ZHX2: variants seen among roughly 807,000 people sequenced by gnomAD.
The protein encoded by ZHX2 is zinc fingers and homeoboxes protein 2.
In ZHX2, 6 loss-of-function variants were observed where a neutral mutation model predicts 21.9. The ratio of observed to expected loss-of-function variants is 0.27; its 90% confidence interval spans 0.15 to 0.54. ZHX2 has a LOEUF of 0.54. Among genes scored for constraint, ZHX2 ranks in the 20% least tolerant of loss-of-function variants. The probability of loss-of-function intolerance (pLI) is 0.95; values close to 1 mark genes in which losing one functional copy is unlikely to be tolerated. For missense variants in ZHX2, 908 were observed against 1,090.7 expected (o/e 0.83, Z 2.36); for synonymous variants, 434 against 437.1 (o/e 0.99, Z 0.09).
At chr8:122,949,451 A>G (rs1301734738) in intron 2 of ZHX2, among the ~76,000 whole-genome samples, 2 of 152,248 alleles carry the variant, frequency 1.3e-5, no homozygotes, top group Non-Finnish European at 2.9e-5. Flanking sequence ...CTAAATAAAA[A>G]TGACATAAGC....
chr8:122,934,171 A>G (rs573785326), intron 2 of ZHX2, among the ~76,000 whole-genome samples: 2 of 152,316 alleles, frequency 1.3e-5, no homozygotes, highest in Admixed American at 6.5e-5. Context: ...AGATAAATTT[A>G]TTTATTATAA....
At chr8:122,788,019 G>C (rs927142931) in intron 1 of ZHX2, among the ~76,000 whole-genome samples, 2 of 152,214 alleles carry the variant, frequency 1.3e-5, no homozygotes, top group African/African-American at 4.8e-5. Flanking sequence ...CCACAGCCTG[G>C]TTCACTCTGG....
Position 122,951,226 on chromosome 8 carries a change from TAAAG to T in ZHX2, c.-219-63_-219-60del, listed in dbSNP as rs575478890. 406 of 370,172 alleles carry T rather than the reference TAAAG, an allele frequency of 1.1e-3. 1 individual carries two copies. The highest frequency in any genetic ancestry group is 7.5e-3 in the African/African-American group (365 of 48,848). 22.9% of individuals were successfully genotyped at this position (370,172 alleles called of 1,614,324 possible). ...TTGGGCTGGGTCATGGGAAAACTCA[TAAAG>T]AAGTGCCAGTTTCTTTTGCGTTGTG... On this transcript the variant is annotated intron_variant, in intron 2 of 3. Coordinates refer to ENST00000314393, the MANE Select transcript of ZHX2 (RefSeq NM_014943.5).
rs1326366240 is a variant in ZHX2, at chr8:122,856,579, G to A, written c.-282-6898G>A. 3.9e-5 allele frequency among the ~76,000 whole-genome samples: 6 copies of A among 152,218 alleles called. No homozygotes were observed. The South Asian group carries it at 1.0e-3, about 26-fold the overall frequency. On this transcript the variant is annotated intron_variant, in intron 1 of 3. Coordinates refer to ENST00000314393, the MANE Select transcript of ZHX2 (RefSeq NM_014943.5). ...TTAAGGGAGCTGTGTATTTCTCTCAGAAACAGGAGCCGTAATCAAAGGTGT... is the reference window on the plus strand; with the variant it reads ...TTAAGGGAGCTGTGTATTTCTCTCAAAAACAGGAGCCGTAATCAAAGGTGT...
At chr8:122,786,558 C>T (rs1293397613) in intron 1 of ZHX2, among the ~76,000 whole-genome samples, 3 of 152,224 alleles carry the variant, frequency 2.0e-5, no homozygotes, top group Non-Finnish European at 2.9e-5. Flanking sequence ...ACACACCTCA[C>T]ATGTGAACTG....
intron 1 of ZHX2, among the ~76,000 whole-genome samples, chr8:122,805,125 A>C (rs1298130543): frequency 6.9e-6 from 1 of 145,886 alleles, no homozygotes; most frequent in East Asian, 2.3e-4. Flanking sequence ...AAGTGCAAAT[A>C]GTTTATGTGA....
At position 122,952,815 on chromosome 8, in the gene ZHX2, C is replaced by T. The variant is rs370328879; in HGVS notation, c.1305C>T (p.Asn435=). 1.2e-5 allele frequency: 19 copies of T among 1,613,930 alleles called. No homozygotes were observed. Among genetic ancestry groups the T allele is most frequent in the Non-Finnish European group, 1.4e-5 (17 of 1,180,008 alleles). Residue 435 remains asparagine, a synonymous_variant, in exon 3 of 4, where the codon AAC becomes AAT. Transcript: ENST00000314393. The surrounding 1 kb of genome is among the most constrained non-coding windows in gnomAD (Gnocchi z 6.9). The part of the protein sequence containing the change: ...QVPEPPPKVA[N]PPLTPASDRK... ...CAGAGCCCCCACCCAAGGTGGCCAACCCCCCGCTCACACCAGCCAGTGACC... is the reference window on the plus strand; with the variant it reads ...CAGAGCCCCCACCCAAGGTGGCCAATCCCCCGCTCACACCAGCCAGTGACC...
intron 1 of ZHX2, among the ~76,000 whole-genome samples, chr8:122,854,530 T>C (rs1818983359): frequency 6.6e-6 from 1 of 152,106 alleles, no homozygotes; most frequent in Non-Finnish European, 1.5e-5. Context: ...TCCCCAGCCT[T>C]CCAGTCCCTC....
chr8:122,812,811 A>G (rs1186940968), intron 1 of ZHX2, among the ~76,000 whole-genome samples: 7 of 152,180 alleles, frequency 4.6e-5, no homozygotes. Flanking sequence ...CATAGTAAAT[A>G]CTGATACCAA....
At chr8:122,862,363 C>G (rs1371723579) in intron 1 of ZHX2, among the ~76,000 whole-genome samples, 2 of 152,224 alleles carry the variant, frequency 1.3e-5, no homozygotes, top group Non-Finnish European at 2.9e-5. Flanking sequence ...GAGCCGGTTT[C>G]CCCACGTGGA....
At chr8:122,902,704 G>A (rs1820260081) in intron 2 of ZHX2, among the ~76,000 whole-genome samples, 1 of 152,104 alleles carries the variant, frequency 6.6e-6, no homozygotes. Context: ...TTACCCCATA[G>A]GATGATAAAA....
In ZHX2 at chr8:122,952,648, C is replaced by G; in HGVS notation, c.1138C>G (p.Gln380Glu). Reference sequence around the variant, plus strand: ...CGGCCAGACTAGCCTGGTGCTGACTCAGGTGACCAGCGGGTCAACAACCGT... The same window carrying G: ...CGGCCAGACTAGCCTGGTGCTGACTGAGGTGACCAGCGGGTCAACAACCGT... Reference protein sequence around the residue: ...ILGQTSLVLTQVTSGSTTVSC... With the variant: ...ILGQTSLVLTEVTSGSTTVSC... Residue 380 changes from glutamine to glutamate, a missense_variant, in exon 3 of 4, where the codon CAG (glutamine) becomes GAG (glutamate). By Grantham distance (29) the Gln-to-Glu change is conservative. Around this residue, in one of 4 missense-constraint regions of ZHX2, gnomAD observed 232 missense variants for 361.8 expected, o/e 0.64. Coordinates refer to ENST00000314393, the MANE Select transcript of ZHX2 (RefSeq NM_014943.5). The surrounding 1 kb of genome is among the most constrained non-coding windows in gnomAD (Gnocchi z 6.9). 1.2e-6 allele frequency: 2 copies of G among 1,614,206 alleles called. No individual in the cohort carries two copies. The highest frequency in any genetic ancestry group is 1.7e-6 in the Non-Finnish European group (2 of 1,180,040).
At chr8:122,823,896 G>A (rs1818206948) in intron 1 of ZHX2, among the ~76,000 whole-genome samples, 1 of 152,152 alleles carries the variant, frequency 6.6e-6, no homozygotes, top group South Asian at 2.1e-4. Flanking sequence ...ACACAGTAGT[G>A]AAGCTCCATG....
chr8:122,951,997 G>A lies in ZHX2; in HGVS notation c.487G>A (p.Val163Met), dbSNP rs760550541. Residue 163 changes from valine to methionine, a missense_variant, in exon 3 of 4, where the codon GTG becomes ATG. By Grantham distance (21) the Val-to-Met change is conservative. Coordinates refer to ENST00000314393, the MANE Select transcript of ZHX2 (RefSeq NM_014943.5). Reference protein sequence around the residue: ...EQSIETTNHVVSITTSGPGTG... With the variant: ...EQSIETTNHVMSITTSGPGTG... ...GTCCATCGAAACCACCAACCATGTC[G>A]TGTCCATCACCACCAGTGGCCCTGG... The A allele has an allele frequency of 1.3e-5, 21 of 1,613,390 alleles. No homozygotes were observed. Among genetic ancestry groups the A allele is most frequent in the East Asian group, 2.2e-5 (1 of 44,820 alleles).
chr8:122,929,555 A>G (rs1210604685), intron 2 of ZHX2, among the ~76,000 whole-genome samples: 1 of 152,094 alleles, frequency 6.6e-6, no homozygotes, highest in African/African-American at 2.4e-5. Flanking sequence ...AGGCATGAGA[A>G]AAGCTTGACT....
At chr8:122,876,988 G>T (rs990025243) in intron 2 of ZHX2, among the ~76,000 whole-genome samples, 5 of 152,212 alleles carry the variant, frequency 3.3e-5, no homozygotes, top group African/African-American at 1.2e-4. Flanking sequence ...CCATCAGTAT[G>T]TTGGTGGGTT....
intron 2 of ZHX2, among the ~76,000 whole-genome samples, chr8:122,931,385 C>T (rs1451064433): frequency 3.9e-5 from 6 of 152,084 alleles, no homozygotes; most frequent in Non-Finnish European, 8.8e-5. Flanking sequence ...TCTTATAAGA[C>T]TGAAGACAGG....
intron 3 of ZHX2, among the ~76,000 whole-genome samples, chr8:122,967,637 G>A (rs1813616104): frequency 6.6e-6 from 1 of 152,244 alleles, no homozygotes; most frequent in Non-Finnish European, 1.5e-5. Context: ...TACACCAGCA[G>A]TAAAATTGCC....
At chr8:122,795,155 A>G (rs936917576) in intron 1 of ZHX2, among the ~76,000 whole-genome samples, 5 of 152,206 alleles carry the variant, frequency 3.3e-5, no homozygotes, top group African/African-American at 7.2e-5. Flanking sequence ...ACTACAGCCT[A>G]TAGGAAGTTC....
Sources: allele counts gnomAD v4.1 joint callset (sites outside exome capture counted in the v4.1 genomes callset), GRCh38; gene constraint gnomAD v4.1.1; regional missense constraint gnomAD v4.1.1; non-coding constraint Gnocchi (gnomAD v3.1); transcripts MANE v1.5; gene names NCBI Gene and HGNC (gene_info 2026-07-23, HGNC 2026-07-21).